Variants in MIS18A observed in about 807,000 individuals in gnomAD.
MIS18A encodes the protein protein Mis18-alpha.
In MIS18A, 14 loss-of-function variants were observed where a neutral mutation model predicts 25.0. That is an observed-to-expected ratio of 0.56 (90% CI 0.37 to 0.88). The LOEUF (loss-of-function observed/expected upper bound fraction) is 0.88, where lower values mean the gene tolerates loss of function less well. Ranked by LOEUF, MIS18A falls within the 40% of genes least tolerant of loss-of-function variation. The pLI is 0.00. For synonymous variants in MIS18A, 134 were observed against 118.6 expected (o/e 1.13, Z -0.84); for missense variants, 292 against 290.8 (o/e 1.00, Z -0.03).
the MIS18A span, among the ~76,000 whole-genome samples, chr21:32,194,314 T>C: frequency 6.7e-6 from 1 of 150,260 alleles, no homozygotes; most frequent in Non-Finnish European, 1.5e-5. Context: ...ATAAAAAATA[T>C]TGCATATATA....
the MIS18A span, among the ~76,000 whole-genome samples, chr21:32,227,642 C>T: frequency 6.6e-6 from 1 of 150,718 alleles, no homozygotes; most frequent in Non-Finnish European, 1.5e-5. Context: ...GAATACTTGA[C>T]GTCAATTCTT....
chr21:32,268,198 T>C (rs1322002111), downstream of MIS18A: 1 of 152,206 alleles, frequency 6.6e-6, no homozygotes, highest in East Asian at 1.9e-4. Context: ...TTAAATACAA[T>C]TCAGTTTGTA....
the MIS18A span, among the ~76,000 whole-genome samples, chr21:32,187,528 T>C: frequency 6.6e-6 from 1 of 152,152 alleles, no homozygotes; most frequent in Non-Finnish European, 1.5e-5. Context: ...ACAATATGCA[T>C]GGTTTCTGCC....
the MIS18A span, among the ~76,000 whole-genome samples, chr21:32,234,470 A>G: frequency 4.6e-5 from 7 of 152,308 alleles, no homozygotes; most frequent in Middle Eastern, 3.4e-3. Flanking sequence ...TCTGCTTCTG[A>G]GTCCTTAGGA....
At chr21:32,272,987 C>G (rs2031740765) in intron 2 of MIS18A, among the ~76,000 whole-genome samples, 1 of 152,170 alleles carries the variant, frequency 6.6e-6, no homozygotes, top group African/African-American at 2.4e-5. Flanking sequence ...CTTCAACTAC[C>G]AAATGAGAAA....
the MIS18A span, among the ~76,000 whole-genome samples, chr21:32,202,185 A>T: frequency 2.0e-5 from 3 of 152,070 alleles, no homozygotes; most frequent in African/African-American, 7.2e-5. Flanking sequence ...ACTACTTGGG[A>T]GGCTGAGGTG....
chr21:32,260,073 A>G, the MIS18A span: 1 of 77,742 alleles, frequency 1.3e-5, no homozygotes, highest in Non-Finnish European at 2.3e-5. Flanking sequence ...TGGTGGAACC[A>G]TTTTTCTCAG....
At chr21:32,201,010 A>G in the MIS18A span, among the ~76,000 whole-genome samples, 1 of 152,162 alleles carries the variant, frequency 6.6e-6, no homozygotes, top group African/African-American at 2.4e-5. Context: ...GAAAAGAGGT[A>G]TATTTTGGCT....
the MIS18A span, among the ~76,000 whole-genome samples, chr21:32,189,640 C>G: frequency 6.6e-6 from 1 of 152,204 alleles, no homozygotes; most frequent in Non-Finnish European, 1.5e-5. Flanking sequence ...TCTCCCATCC[C>G]TTTACGTTTT....
chr21:32,255,221 C>A, the MIS18A span, among the ~76,000 whole-genome samples: 1 of 151,672 alleles, frequency 6.6e-6, no homozygotes, highest in Non-Finnish European at 1.5e-5. Context: ...GGTAAAAATA[C>A]ATTTCTTGGG....
chr21:32,191,229 C>A, the MIS18A span, among the ~76,000 whole-genome samples: 1 of 152,222 alleles, frequency 6.6e-6, no homozygotes, highest in Non-Finnish European at 1.5e-5. Flanking sequence ...AATATCTTTT[C>A]TCTATGAAAG....
the MIS18A span, chr21:32,261,500 G>A: frequency 2.0e-5 from 3 of 152,214 alleles, no homozygotes; most frequent in Non-Finnish European, 4.4e-5. Context: ...TCAATAGAGT[G>A]GTTAGAGAAT....
At chr21:32,186,823 G>A in the MIS18A span, among the ~76,000 whole-genome samples, 4 of 152,272 alleles carry the variant, frequency 2.6e-5, no homozygotes, top group Middle Eastern at 3.4e-3. Context: ...AATGGTTGGC[G>A]AAGTAAACCA....
At chr21:32,214,793 C>T in the MIS18A span, among the ~76,000 whole-genome samples, 2 of 152,222 alleles carry the variant, frequency 1.3e-5, no homozygotes, top group African/African-American at 2.4e-5. Flanking sequence ...CCGGCCCTTG[C>T]CCTGCCACTC....
At chr21:32,196,114 A>T in the MIS18A span, among the ~76,000 whole-genome samples, 7 of 152,126 alleles carry the variant, frequency 4.6e-5, no homozygotes, top group Non-Finnish European at 8.8e-5. Flanking sequence ...GTAAAACGCT[A>T]TCTGGGCATG....
the MIS18A span, among the ~76,000 whole-genome samples, chr21:32,249,435 T>C: frequency 1.3e-5 from 2 of 152,226 alleles, no homozygotes; most frequent in Non-Finnish European, 1.5e-5. Context: ...TGTTTGTGTT[T>C]CTATTATACA....
the MIS18A span, among the ~76,000 whole-genome samples, chr21:32,249,850 C>T: frequency 6.6e-6 from 1 of 152,154 alleles, no homozygotes; most frequent in Non-Finnish European, 1.5e-5. Flanking sequence ...CTCCCCCAGC[C>T]CCCACTTCCA....
At chr21:32,219,568 G>C in the MIS18A span, among the ~76,000 whole-genome samples, 8 of 152,306 alleles carry the variant, frequency 5.3e-5, no homozygotes, top group Non-Finnish European at 5.9e-5. Context: ...CAGACACAGA[G>C]ATAGCTGCAG....
At chr21:32,224,567 AC>A in the MIS18A span, among the ~76,000 whole-genome samples, 3 of 149,678 alleles carry the variant, frequency 2.0e-5, no homozygotes, top group Non-Finnish European at 3.0e-5. Flanking sequence ...AATCCAACTT[AC>A]AAGGGATGTG....
Sources: allele counts gnomAD v4.1 joint callset (sites outside exome capture counted in the v4.1 genomes callset), GRCh38; gene constraint gnomAD v4.1.1; transcripts MANE v1.5; gene names NCBI Gene and HGNC (gene_info 2026-07-23, HGNC 2026-07-21).